The following GPC6 variants were observed in gnomAD, a reference collection of about 807,000 sequenced individuals.
GPC6 encodes the protein glypican-6.
A neutral mutation model predicts 55.2 loss-of-function variants in GPC6; 14 were observed. The observed-to-expected ratio is 0.25, with a 90% CI of 0.17 to 0.40. The LOEUF (loss-of-function observed/expected upper bound fraction) is 0.40. GPC6 is among the 10% of genes least tolerant of loss of function. GPC6 has a pLI of 1.00. For synonymous variants in GPC6, 278 were observed against 259.6 expected (o/e 1.07, Z -0.68); for missense variants, 641 against 708.5 (o/e 0.90, Z 1.08).
At chr13:94,017,929 G>A (rs1566293197) in intron 3 of GPC6, among the ~76,000 whole-genome samples, 1 of 152,044 alleles carries the variant, frequency 6.6e-6, no homozygotes, top group Admixed American at 6.6e-5. Context: ...ACCCGCCTCA[G>A]CCTCCCAAAG....
At chr13:94,299,893 T>C (rs1043504044) in intron 5 of GPC6, among the ~76,000 whole-genome samples, 6 of 152,216 alleles carry the variant, frequency 3.9e-5, no homozygotes, top group Non-Finnish European at 7.3e-5. Flanking sequence ...TCCTTGAGTA[T>C]AAATGGAATA....
chr13:93,290,085 G>A (rs891026096), intron 1 of GPC6, among the ~76,000 whole-genome samples: 2 of 152,104 alleles, frequency 1.3e-5, no homozygotes, highest in African/African-American at 4.8e-5. Flanking sequence ...TCTAAATGAA[G>A]CAAGGAGGTT....
chr13:93,799,078 C>T (rs1343755827), intron 2 of GPC6, among the ~76,000 whole-genome samples: 1 of 152,094 alleles, frequency 6.6e-6, no homozygotes, highest in Non-Finnish European at 1.5e-5. Flanking sequence ...TAATCTGCTA[C>T]TAAAATCTGT....
chr13:93,588,367 A>AGTGTGT (rs71123497), intron 2 of GPC6, among the ~76,000 whole-genome samples: 108 of 150,498 alleles, frequency 7.2e-4, no homozygotes, highest in African/African-American at 2.5e-3. Context: ...GTGGCTATTA[A>AGTGTGT]GTGTGTGTGT....
chr13:93,908,434 C>T (rs1876785968), intron 3 of GPC6, among the ~76,000 whole-genome samples: 1 of 152,104 alleles, frequency 6.6e-6, no homozygotes, highest in Non-Finnish European at 1.5e-5. Context: ...TGCAGAATTC[C>T]CAGATGATTT....
intron 2 of GPC6, among the ~76,000 whole-genome samples, chr13:93,771,343 A>G (rs1249418722): frequency 1.3e-5 from 2 of 152,114 alleles, no homozygotes; most frequent in African/African-American, 4.8e-5. Context: ...AAGCCTCTAA[A>G]TTATACATGA....
intron 1 of GPC6, among the ~76,000 whole-genome samples, chr13:93,269,178 A>G (rs1343293001): frequency 6.6e-6 from 1 of 152,166 alleles, no homozygotes; most frequent in Non-Finnish European, 1.5e-5. Flanking sequence ...GTCTAGCAAT[A>G]TTATTTTCAG....
intron 1 of GPC6, among the ~76,000 whole-genome samples, chr13:93,393,107 G>T (rs929871505): frequency 1.7e-4 from 19 of 114,772 alleles, no homozygotes; most frequent in East Asian, 1.1e-3. Context: ...ATGTATATTT[G>T]ATATATATAT....
At chr13:94,002,676 T>C (rs192373129) in intron 3 of GPC6, among the ~76,000 whole-genome samples, 36 of 152,276 alleles carry the variant, frequency 2.4e-4, no homozygotes, top group African/African-American at 8.4e-4. Flanking sequence ...CATGTTTCAA[T>C]GTATATTCAG....
At chr13:93,626,717 G>T (rs1374738703) in intron 2 of GPC6, among the ~76,000 whole-genome samples, 1 of 151,676 alleles carries the variant, frequency 6.6e-6, no homozygotes, top group African/African-American at 2.4e-5. Flanking sequence ...CAGAAGAATT[G>T]CTGGAACCCG....
chr13:94,019,742 T>A (rs1007681534), intron 3 of GPC6, among the ~76,000 whole-genome samples: 1 of 152,204 alleles, frequency 6.6e-6, no homozygotes, highest in Non-Finnish European at 1.5e-5. Flanking sequence ...CCTAATAAAG[T>A]CTTATTTGTA....
chr13:94,106,709 A>T (rs557032445), intron 4 of GPC6, among the ~76,000 whole-genome samples: 71 of 152,316 alleles, frequency 4.7e-4, no homozygotes, highest in African/African-American at 1.7e-3. Context: ...ATGGAATTTT[A>T]AAATGCAGAG....
intron 4 of GPC6, among the ~76,000 whole-genome samples, chr13:94,064,561 C>T (rs1272091287): frequency 2.0e-5 from 3 of 152,136 alleles, no homozygotes; most frequent in Non-Finnish European, 4.4e-5. Context: ...GACCAGGACT[C>T]ATCTTGAATT....
At chr13:93,436,750 T>G (rs1041659740) in intron 1 of GPC6, among the ~76,000 whole-genome samples, 2 of 152,166 alleles carry the variant, frequency 1.3e-5, no homozygotes, top group African/African-American at 4.8e-5. Context: ...ATTAGTGTAA[T>G]ACTGTACTGC....
chr13:94,347,181 G>A (rs906318516), intron 6 of GPC6, among the ~76,000 whole-genome samples: 8 of 152,172 alleles, frequency 5.3e-5, no homozygotes, highest in African/African-American at 1.7e-4. Flanking sequence ...CTGAACTGTA[G>A]TGTTGATCAT....
intron 2 of GPC6, among the ~76,000 whole-genome samples, chr13:93,682,236 C>G (rs73545510): frequency 0.048 from 7,249 of 152,100 alleles, 583 homozygotes; most frequent in African/African-American, 0.17. Context: ...CCAGGAGCAA[C>G]GCAACGTCTC....
intron 1 of GPC6, among the ~76,000 whole-genome samples, chr13:93,372,515 A>T (rs1874709042): frequency 6.6e-6 from 1 of 152,192 alleles, no homozygotes; most frequent in African/African-American, 2.4e-5. Context: ...TACCTCACTT[A>T]GCCACAGAAT....
At chr13:94,197,557 C>A (rs936871020) in intron 4 of GPC6, among the ~76,000 whole-genome samples, 1 of 152,162 alleles carries the variant, frequency 6.6e-6, no homozygotes, top group African/African-American at 2.4e-5. Flanking sequence ...TCTCTGGTGT[C>A]TCTTCTTATA....
chr13:93,782,029 A>G (rs948911426), intron 2 of GPC6, among the ~76,000 whole-genome samples: 1 of 152,148 alleles, frequency 6.6e-6, no homozygotes, highest in African/African-American at 2.4e-5. Flanking sequence ...GAGATACAAC[A>G]GATCTCTTGA....
Sources: gnomAD v4.1 joint callset for allele counts (sites outside exome capture counted in the v4.1 genomes callset) on GRCh38, gnomAD v4.1.1 for gene constraint, MANE v1.5 for transcripts, NCBI Gene and HGNC (gene_info 2026-07-23, HGNC 2026-07-21) for gene names.